DNAJC11: variants seen among roughly 807,000 people sequenced by gnomAD.
DNAJC11 encodes the protein dnaJ homolog subfamily C member 11.
DNAJC11 carries 15 observed loss-of-function variants against 78.6 expected under a neutral mutation model. The observed-to-expected ratio is 0.19, with a 90% CI of 0.13 to 0.29. DNAJC11 has a LOEUF of 0.29. Among genes scored for constraint, DNAJC11 ranks in the 10% least tolerant of loss-of-function variants. The pLI is 1.00. For missense variants in DNAJC11, 547 were observed against 709.6 expected, an observed-to-expected ratio of 0.77 and a Z score of 2.60; for synonymous variants, 292 against 272.1, an observed-to-expected ratio of 1.07 and a Z score of -0.72.
At position 6,634,280 on chromosome 1, in the gene DNAJC11, C is replaced by T. The variant is rs1444726849; in HGVS notation, c.*1395G>A. ...CTGCGGCAGAGGCGCACGGGAAGCC[C>T]GGGGCCCAGGCTCATGCAACACGAC... On this transcript the variant is annotated 3_prime_UTR_variant, in exon 16 of 16. Transcript: ENST00000377577. 1.8e-5 allele frequency: 16 copies of T among 873,460 alleles called. No homozygotes were observed. Among genetic ancestry groups the T allele is most frequent in the East Asian group, 5.4e-5 (2 of 36,978 alleles). 54.1% of individuals were successfully genotyped at this position (873,460 alleles called of 1,614,324 possible).
At chr1:6,693,769 GACTGCAGCTC>G (rs780090134) in intron 1 of DNAJC11, among the ~76,000 whole-genome samples, 5 of 151,714 alleles carry the variant, frequency 3.3e-5, no homozygotes, top group Admixed American at 2.0e-4. Flanking sequence ...GTGGTGGTGT[GACTGCAGCTC>G]ACTGCAGCCC....
In DNAJC11 at chr1:6,690,695, T is replaced by C. The variant is rs1024129870; in HGVS notation, c.73-9658A>G. On this transcript the variant is annotated intron_variant, in intron 1 of 15. Coordinates refer to ENST00000377577, the MANE Select transcript of DNAJC11 (RefSeq NM_018198.4). Reference sequence around the variant, plus strand: ...ATCCCAGCACTTTGGGAGGCTGAGGTGGGCGGATCACGAGGTCAGGAGATC... The same window carrying C: ...ATCCCAGCACTTTGGGAGGCTGAGGCGGGCGGATCACGAGGTCAGGAGATC... Among the ~76,000 whole-genome samples, 11 of 151,918 alleles carry C rather than the reference T, an allele frequency of 7.2e-5. 1 individual carries two copies. Among genetic ancestry groups the C allele is most frequent in the African/African-American group, 2.4e-4 (10 of 41,428 alleles).
rs775332266 is a variant in DNAJC11 at position 6,680,860 on chromosome 1, G to T, written c.202+48C>A. ...CTACAAATCGCACCTCCTAAAAATC[G>T]AATATCTGTTACCAGGATGTTTCTA... On this transcript the variant is annotated intron_variant, in intron 2 of 15. Coordinates refer to ENST00000377577, the MANE Select transcript of DNAJC11 (RefSeq NM_018198.4). The surrounding 1 kb of genome is among the most constrained non-coding windows in gnomAD (Gnocchi z 4.0). 6.9e-6 allele frequency: 11 copies of T among 1,595,442 alleles called. No individual in the cohort carries two copies. In the South Asian group the frequency reaches 1.0e-4, roughly 15 times the overall value.
At chr1:6,651,994 C>T (rs1642063842) in intron 6 of DNAJC11, among the ~76,000 whole-genome samples, 1 of 151,490 alleles carries the variant, frequency 6.6e-6, no homozygotes, top group Admixed American at 6.6e-5. Flanking sequence ...GCATGCACTG[C>T]CGACTCCTTT....
At chr1:6,694,974 C>CA (rs869181454) in intron 1 of DNAJC11, among the ~76,000 whole-genome samples, 7,891 of 32,068 alleles carry the variant, frequency 0.25, 899 homozygotes, top group Middle Eastern at 0.42. Flanking sequence ...GACTCCGAAT[C>CA]AAAAAAAAAA....
At chr1:6,638,424 A>C (rs1570261961) in intron 11 of DNAJC11, 60 bp from the exon 12 acceptor site, 3 of 1,550,410 alleles carry the variant, frequency 1.9e-6, no homozygotes, top group Non-Finnish European at 1.8e-6. Context: ...TCCAGCCAAC[A>C]CAGCCCCTCC....
rs775615878 is a variant in DNAJC11, at chr1:6,645,766, G to A, written c.894+23C>T. On this transcript the variant is annotated intron_variant, in intron 8 of 15. Coordinates refer to ENST00000377577, the MANE Select transcript of DNAJC11 (RefSeq NM_018198.4). The surrounding 1 kb of genome is among the most constrained non-coding windows in gnomAD (Gnocchi z 4.1). ...GGTCCTCCCAGAGCTCTGTCTGCAG[G>A]AGATGATGGCTGCTCGGCTCACCTG... The A allele has an allele frequency of 1.1e-4, 172 of 1,611,554 alleles. 1 individual carries two copies. Among genetic ancestry groups the A allele is most frequent in the Admixed American group, 7.7e-4 (46 of 59,962 alleles).
intron 7 of DNAJC11, among the ~76,000 whole-genome samples, chr1:6,647,043 C>T (rs1057175949): frequency 1.3e-5 from 2 of 149,006 alleles, no homozygotes; most frequent in South Asian, 2.1e-4. Context: ...GTAGTCTCAG[C>T]GACTGAGGAG....
chr1:6,674,883 C>T (rs562404726), intron 3 of DNAJC11, among the ~76,000 whole-genome samples: 2 of 152,294 alleles, frequency 1.3e-5, no homozygotes, highest in African/African-American at 4.8e-5. Context: ...AGGATACCAA[C>T]AGTCAATGCC....
chr1:6,691,899 TA>T (rs2147885221), intron 1 of DNAJC11, among the ~76,000 whole-genome samples: 1 of 152,354 alleles, frequency 6.6e-6, no homozygotes, highest in East Asian at 1.9e-4. Flanking sequence ...GTGACTCCTT[TA>T]AAAAATATAT....
intron 4 of DNAJC11, among the ~76,000 whole-genome samples, chr1:6,654,811 G>A (rs1344495414): frequency 7.0e-6 from 1 of 143,724 alleles, no homozygotes; most frequent in Non-Finnish European, 1.5e-5. Context: ...ATGGAGTCTC[G>A]CTCTGTCACC....
At chr1:6,663,102 C>T (rs756979865) in intron 4 of DNAJC11, among the ~76,000 whole-genome samples, 36 of 152,138 alleles carry the variant, frequency 2.4e-4, no homozygotes, top group Non-Finnish European at 4.7e-4. Context: ...AATTGTGTCT[C>T]TCAGCTATTA....
intron 1 of DNAJC11, among the ~76,000 whole-genome samples, chr1:6,698,995 T>C (rs1304079757): frequency 6.7e-6 from 1 of 149,428 alleles, no homozygotes; most frequent in Non-Finnish European, 1.5e-5. Flanking sequence ...ATATACTTCA[T>C]CCTTAAGTCT....
intron 3 of DNAJC11, among the ~76,000 whole-genome samples, chr1:6,669,678 C>A (rs1036671550): frequency 3.9e-5 from 6 of 152,056 alleles, no homozygotes; most frequent in African/African-American, 1.4e-4. Context: ...AAAGAGGCAA[C>A]CGCACTGCAC....
rs144207639 is a variant in DNAJC11 at position 6,636,214 on chromosome 1, C to T, written c.1557G>A (p.Val519=). Residue 519 remains valine, a synonymous_variant, in exon 15 of 16, where the codon GTG becomes GTA. Transcript: ENST00000377577. ...AGLPGFYDPC[V]GEEKNLKVLY... The stretch of plus-strand genomic sequence containing the variant: ...GCACTTTCAGGTTCTTCTCTTCCCC[C>T]ACACACGGGTCATAAAAGCCAGGCA... The T allele has an allele frequency of 1.2e-5, 19 of 1,614,040 alleles. No homozygotes were observed. The South Asian group carries it at 1.2e-4, about 10-fold the overall frequency.
chr1:6,686,723 A>T (rs1032400974), intron 1 of DNAJC11, among the ~76,000 whole-genome samples: 1 of 152,240 alleles, frequency 6.6e-6, no homozygotes, highest in Admixed American at 6.5e-5. Flanking sequence ...GGTGAACGGT[A>T]CTTATACCTA....
At chr1:6,661,173 A>G (rs964854868) in intron 4 of DNAJC11, among the ~76,000 whole-genome samples, 1 of 152,200 alleles carries the variant, frequency 6.6e-6, no homozygotes, top group African/African-American at 2.4e-5. Flanking sequence ...TTATCTGGCC[A>G]TGAGGGTAAC....
intron 4 of DNAJC11, among the ~76,000 whole-genome samples, chr1:6,664,221 G>A (rs991272977): frequency 6.6e-6 from 1 of 151,804 alleles, no homozygotes; most frequent in Non-Finnish European, 1.5e-5. Context: ...TGCAAGAATG[G>A]TTCGAAGGCC....
chr1:6,690,248 A>C (rs1557488979), intron 1 of DNAJC11, among the ~76,000 whole-genome samples: 1 of 152,224 alleles, frequency 6.6e-6, no homozygotes, highest in Non-Finnish European at 1.5e-5. Flanking sequence ...TATATAAGTA[A>C]CCAATAAAAG....
Sources: gnomAD v4.1 joint callset for allele counts (sites outside exome capture counted in the v4.1 genomes callset) on GRCh38, gnomAD v4.1.1 for gene constraint, Gnocchi (gnomAD v3.1) non-coding constraint, MANE v1.5 for transcripts, NCBI Gene and HGNC (gene_info 2026-07-23, HGNC 2026-07-21) for gene names.